NPHP4: variants seen among roughly 807,000 people sequenced by gnomAD.
The protein encoded by NPHP4 is nephrocystin-4.
In NPHP4, 151 loss-of-function variants were observed where a neutral mutation model predicts 155.8. The ratio of observed to expected loss-of-function variants is 0.97; its 90% CI spans 0.85 to 1.11. The LOEUF (loss-of-function observed/expected upper bound fraction) is 1.11. Among genes scored for constraint, NPHP4 ranks in the 50% least tolerant of loss-of-function variants. The pLI, the probability that NPHP4 is intolerant of heterozygous loss-of-function variation, is 0.00. For synonymous variants in NPHP4, 845 were observed against 816.8 expected, an observed-to-expected ratio of 1.03 and a Z score of -0.59; for missense variants, 1,956 against 1,925.7, an observed-to-expected ratio of 1.02 and a Z score of -0.29.
At chr1:5,972,936 T>G (rs1309234918) in intron 3 of NPHP4, among the ~76,000 whole-genome samples, 1 of 151,942 alleles carries the variant, frequency 6.6e-6, no homozygotes, top group East Asian at 1.9e-4. Context: ...CAGGCTGGAG[T>G]GCAGTGGCGT....
At chr1:5,879,337 A>C (rs1402910346) in intron 19 of NPHP4, 1 of 349,618 alleles carries the variant, frequency 2.9e-6, no homozygotes, top group Non-Finnish European at 5.6e-6. Context: ...CAGGTCTGTG[A>C]GGCCTTACAT....
At chr1:5,909,071 T>C (rs549744199) in intron 12 of NPHP4, 81 bp downstream of exon 12, 1 of 1,194,008 alleles carries the variant, frequency 8.4e-7, no homozygotes, top group Non-Finnish European at 1.2e-6. Context: ...GGATCCACTG[T>C]GCTTAAGGGG....
At chr1:5,864,649 G>A (rs966745235) in intron 27 of NPHP4, 132 bp from the exon 28 acceptor site, 4 of 758,886 alleles carry the variant, frequency 5.3e-6, no homozygotes, top group African/African-American at 3.5e-5. Flanking sequence ...CCAAATCTGA[G>A]GCCACAACCA....
chr1:5,964,935 A>ATTTTTTTTTTTTTTT (rs1476774217), intron 5 of NPHP4, among the ~76,000 whole-genome samples: 16 of 31,962 alleles, frequency 5.0e-4, no homozygotes, highest in African/African-American at 7.8e-4. Flanking sequence ...ATATATATAT[A>ATTTTTTTTTTTTTTT]TATATATTTT....
At chr1:5,878,430 G>A (rs1318108667) in intron 19 of NPHP4, among the ~76,000 whole-genome samples, 2 of 152,224 alleles carry the variant, frequency 1.3e-5, no homozygotes, top group African/African-American at 4.8e-5. Context: ...TGGGGCCTGC[G>A]CAAGTTGGGG....
intron 16 of NPHP4, among the ~76,000 whole-genome samples, chr1:5,898,512 G>A (rs532659809): frequency 3.9e-5 from 6 of 152,342 alleles, no homozygotes; most frequent in African/African-American, 1.2e-4. Flanking sequence ...GCCTTGGCAC[G>A]AGCCCCCCAG....
In NPHP4 at chr1:5,901,432, A is replaced by G. The variant is rs189447577; in HGVS notation, c.2143+3185T>C. Reference sequence around the variant, plus strand: ...AGGCAGAGACTCAGATATGTAAGAAATTGAAATCAGTCGGGTGGGGTTTTT... The same window carrying G: ...AGGCAGAGACTCAGATATGTAAGAAGTTGAAATCAGTCGGGTGGGGTTTTT... On this transcript the variant is annotated intron_variant, in intron 16 of 29. Coordinates refer to ENST00000378156, the MANE Select transcript of NPHP4 (RefSeq NM_015102.5). Among the ~76,000 whole-genome samples, 183 of 152,340 alleles carry G rather than the reference A, an allele frequency of 1.2e-3. 1 individual carries two copies. Among genetic ancestry groups the G allele is most frequent in the Non-Finnish European group, 8.1e-4 (55 of 68,036 alleles).
chr1:5,939,299 A>C (rs1646703116), intron 9 of NPHP4, among the ~76,000 whole-genome samples: 1 of 152,280 alleles, frequency 6.6e-6, no homozygotes, highest in Admixed American at 6.5e-5. Context: ...ATAGGTTCAT[A>C]AAGCCTTGGT....
chr1:5,913,086 G>A (rs1442070214), intron 11 of NPHP4, among the ~76,000 whole-genome samples: 2 of 151,056 alleles, frequency 1.3e-5, no homozygotes. Flanking sequence ...AGGAGGCGGA[G>A]GTTGCAATGA....
Position 5,933,408 on chromosome 1 carries a change from T to C in NPHP4, c.1120-79A>G, listed in dbSNP as rs1646380941. ...AGAGGGGAAATCAACAGTGCTTTCA[T>C]GTGTAAAATTCAACGAGAGCTCAGT... On this transcript the variant is annotated intron_variant, in intron 9 of 29. Transcript: ENST00000378156. 8 of 1,200,230 alleles carry C rather than the reference T, an allele frequency of 6.7e-6. No homozygotes were observed. The Admixed American group carries it at 1.4e-4, about 21-fold the overall frequency. 74.3% of individuals were successfully genotyped at this position (1,200,230 alleles called of 1,614,324 possible).
At chr1:5,908,343 C>T (rs1645014206) in intron 12 of NPHP4, among the ~76,000 whole-genome samples, 8 of 152,222 alleles carry the variant, frequency 5.3e-5, no homozygotes, top group Admixed American at 5.2e-4. Flanking sequence ...ACTCCTGATC[C>T]AGTTTCCCAC....
intron 10 of NPHP4, among the ~76,000 whole-genome samples, chr1:5,928,064 G>A (rs1318420547): frequency 3.3e-5 from 5 of 152,142 alleles, no homozygotes; most frequent in Admixed American, 6.5e-5. Flanking sequence ...ATTGACCTAT[G>A]TGAAACTGAC....
In NPHP4 at chr1:5,944,259, C is replaced by T. The variant is rs1433196870; in HGVS notation, c.1119+2845G>A. Among the ~76,000 whole-genome samples, 2 of 152,172 alleles carry T rather than the reference C, an allele frequency of 1.3e-5. No homozygotes were observed. Among genetic ancestry groups the T allele is most frequent in the Non-Finnish European group, 2.9e-5 (2 of 68,024 alleles). ...CACCACGCAGGGTCCTCACCAAAGA[C>T]AAGGAGGAGGACGCTGCAGCCGGAA... On this transcript the variant is annotated intron_variant, in intron 9 of 29. Transcript: ENST00000378156. The surrounding 1 kb of genome is among the most constrained non-coding windows in gnomAD (Gnocchi z 4.3).
chr1:5,907,106 G>T lies in NPHP4; in HGVS notation c.1611+9C>A. 1 of 1,472,980 alleles carries T rather than the reference G, an allele frequency of 6.8e-7. No individual in the cohort carries two copies. The highest frequency in any genetic ancestry group is 9.1e-7 in the Non-Finnish European group (1 of 1,095,160). 91.2% of individuals were successfully genotyped at this position (1,472,980 alleles called of 1,614,324 possible). On this transcript the variant is annotated intron_variant, in intron 13 of 29. Coordinates refer to ENST00000378156, the MANE Select transcript of NPHP4 (RefSeq NM_015102.5). The stretch of plus-strand genomic sequence containing the variant: ...GTGGAAGGCAAGGCGGCAGGTGGGC[G>T]GCACTTACTGCCTGGGCCGGGGAGG...
At chr1:5,918,262 A>T (rs1398225143) in intron 11 of NPHP4, among the ~76,000 whole-genome samples, 2 of 152,216 alleles carry the variant, frequency 1.3e-5, no homozygotes, top group Non-Finnish European at 2.9e-5. Flanking sequence ...GAGGGCAAGG[A>T]AAGTTTAATA....
chr1:5,956,240 G>A (rs1649211614), intron 6 of NPHP4, among the ~76,000 whole-genome samples: 1 of 152,230 alleles, frequency 6.6e-6, no homozygotes, highest in Admixed American at 6.5e-5. Flanking sequence ...AGAAGTCAGT[G>A]CTCCTGGAAG....
chr1:5,917,175 GCC>G (rs532568047), intron 11 of NPHP4, among the ~76,000 whole-genome samples: 2 of 151,852 alleles, frequency 1.3e-5, no homozygotes, highest in Non-Finnish European at 2.9e-5. Context: ...GTCAGGGGTG[GCC>G]CCAACCCCCA....
intron 18 of NPHP4, among the ~76,000 whole-genome samples, chr1:5,884,470 G>C (rs1385566674): frequency 1.3e-5 from 2 of 150,712 alleles, no homozygotes; most frequent in Non-Finnish European, 3.0e-5. Context: ...CACTGCCCAA[G>C]CTCCCAGCCG....
rs776877195 is a variant in NPHP4 at position 5,948,067 on chromosome 1, T to C, written c.992+3A>G. On this transcript the variant is annotated splice_donor_region_variant and intron_variant, in intron 8 of 29. Transcript: ENST00000378156. Reference sequence around the variant, plus strand: ...CCATCCCTGGGGACCCAAGAGACAATACCTGGTCTTGGAAGAGGAGACCAC... The same window carrying C: ...CCATCCCTGGGGACCCAAGAGACAACACCTGGTCTTGGAAGAGGAGACCAC... The C allele has an allele frequency of 5.6e-6, 9 of 1,611,414 alleles. No individual in the cohort carries two copies. The highest frequency in any genetic ancestry group is 1.3e-5 in the African/African-American group (1 of 74,806).
Sources: allele counts gnomAD v4.1 joint callset (sites outside exome capture counted in the v4.1 genomes callset), GRCh38; gene constraint gnomAD v4.1.1; non-coding constraint Gnocchi (gnomAD v3.1); transcripts MANE v1.5; gene names NCBI Gene and HGNC (gene_info 2026-07-23, HGNC 2026-07-21).